Variants in PARVA observed in about 807,000 individuals in gnomAD.
The protein encoded by PARVA is parvin alpha.
A neutral mutation model predicts 52.6 loss-of-function variants in PARVA; 25 were observed. The ratio of observed to expected loss-of-function variants is 0.48; its 90% confidence interval spans 0.35 to 0.66. The LOEUF (loss-of-function observed/expected upper bound fraction) is 0.66. PARVA is among the 30% of genes least tolerant of loss of function. PARVA has a pLI of 0.01. For synonymous variants in PARVA, 185 were observed against 179.1 expected, an observed-to-expected ratio of 1.03 and a Z score of -0.26; for missense variants, 373 against 450.9, an observed-to-expected ratio of 0.83 and a Z score of 1.56.
chr11:12,437,238 A>G (rs1940398657), intron 1 of PARVA, among the ~76,000 whole-genome samples: 1 of 152,242 alleles, frequency 6.6e-6, no homozygotes, highest in Non-Finnish European at 1.5e-5. Flanking sequence ...AAGAACAAGA[A>G]AGGACTGCAG....
chr11:12,493,003 T>A (rs552003335), intron 4 of PARVA, among the ~76,000 whole-genome samples: 3 of 152,146 alleles, frequency 2.0e-5, no homozygotes, highest in Non-Finnish European at 4.4e-5. Flanking sequence ...GATATATATA[T>A]GAGTGGAAAA....
At chr11:12,445,748 G>A (rs10831821) in intron 1 of PARVA, among the ~76,000 whole-genome samples, 4 of 151,728 alleles carry the variant, frequency 2.6e-5, no homozygotes, top group East Asian at 3.9e-4. Context: ...AATAACAGCC[G>A]GCTCCATACA....
intron 5 of PARVA, among the ~76,000 whole-genome samples, chr11:12,501,886 A>T (rs1449807674): frequency 1.9e-5 from 2 of 103,766 alleles, no homozygotes; most frequent in African/African-American, 3.6e-5. Context: ...CCAGGGTATA[A>T]GAACAACTTA....
intron 4 of PARVA, among the ~76,000 whole-genome samples, chr11:12,487,698 A>G (rs1941177750): frequency 6.6e-6 from 1 of 152,188 alleles, no homozygotes; most frequent in South Asian, 2.1e-4. Context: ...TTATTTTCTC[A>G]TCTCAAACTC....
intron 1 of PARVA, among the ~76,000 whole-genome samples, chr11:12,409,010 C>G (rs1398248164): frequency 1.3e-5 from 2 of 152,130 alleles, no homozygotes; most frequent in African/African-American, 4.8e-5. Flanking sequence ...CACGGAGGAC[C>G]TGGGAGAGGC....
rs940307002 is a variant in PARVA, at chr11:12,529,276, C to T, written c.*1351C>T. 6.6e-6 allele frequency: 1 copy of T among 152,094 alleles called. No individual in the cohort carries two copies. Among genetic ancestry groups the T allele is most frequent in the Admixed American group, 6.6e-5 (1 of 15,266 alleles). The allele number at this position is 152,094 out of a possible 1,614,324, so 9.4% of individuals were successfully genotyped here. A position where few individuals can be genotyped will look rare whatever the true frequency, so the allele number is the denominator to read the frequency against. On this transcript the variant is annotated 3_prime_UTR_variant, in exon 13 of 13. Transcript: ENST00000334956. ...TCTATGTGAACTTGACTTTGAAAGACAGAGCTCTAGTGTGCCAGCCTGCTA... is the reference window on the plus strand; with the variant it reads ...TCTATGTGAACTTGACTTTGAAAGATAGAGCTCTAGTGTGCCAGCCTGCTA...
intron 1 of PARVA, among the ~76,000 whole-genome samples, chr11:12,447,651 A>C (rs1940565609): frequency 6.6e-6 from 1 of 152,238 alleles, no homozygotes; most frequent in Non-Finnish European, 1.5e-5. Flanking sequence ...TAATAGTAGA[A>C]AAAAACTGGG....
intron 8 of PARVA, among the ~76,000 whole-genome samples, chr11:12,511,902 T>C (rs1219801442): frequency 6.6e-6 from 1 of 152,232 alleles, no homozygotes; most frequent in African/African-American, 2.4e-5. Flanking sequence ...GAGTTTATTA[T>C]TCTTGCCAGT....
At chr11:12,472,714 C>T (rs528992196) in intron 1 of PARVA, among the ~76,000 whole-genome samples, 38 of 152,226 alleles carry the variant, frequency 2.5e-4, no homozygotes, top group African/African-American at 6.0e-4. Flanking sequence ...AAAGATGGGA[C>T]GCTGCTTTTA....
At chr11:12,461,447 G>C (rs1305064337) in intron 1 of PARVA, among the ~76,000 whole-genome samples, 1 of 152,158 alleles carries the variant, frequency 6.6e-6, no homozygotes, top group African/African-American at 2.4e-5. Flanking sequence ...CCAAGGAAAT[G>C]GTTCTCATTC....
intron 12 of PARVA, among the ~76,000 whole-genome samples, chr11:12,526,663 G>A (rs990976233): frequency 2.2e-4 from 34 of 152,102 alleles, no homozygotes; most frequent in African/African-American, 8.0e-4. Flanking sequence ...CTCCCTAAAG[G>A]TAACCACTAT....
intron 4 of PARVA, chr11:12,478,243 G>A (rs373512204): frequency 4.1e-5 from 18 of 434,482 alleles, no homozygotes; most frequent in Admixed American, 2.7e-4. Flanking sequence ...TAGAAAGCAC[G>A]CCTCCGCCTC....
At chr11:12,443,169 C>CTTTTTTT (rs1180380526) in intron 1 of PARVA, among the ~76,000 whole-genome samples, 15,913 of 78,070 alleles carry the variant, frequency 0.2, 2,338 homozygotes, top group Non-Finnish European at 0.27. Flanking sequence ...CGCCCCCCTT[C>CTTTTTTT]TTTTTTTTTT....
At chr11:12,485,919 A>G (rs553148166) in intron 4 of PARVA, among the ~76,000 whole-genome samples, 89 of 152,326 alleles carry the variant, frequency 5.8e-4, no homozygotes, top group Non-Finnish European at 1.1e-3. Flanking sequence ...CAAAACTGTC[A>G]AGGTCATGGT....
chr11:12,376,632 C>A, upstream of PARVA: 1 of 515,766 alleles, frequency 1.9e-6, no homozygotes, highest in Non-Finnish European at 2.5e-6. Flanking sequence ...CAGCTGTGGC[C>A]TAGAAGGGGC....
Position 12,477,885 on chromosome 11 carries a change from A to G in PARVA, c.336A>G (p.Glu112=), listed in dbSNP as rs765640969. The change falls in exon 4 of 13, where the codon GAA becomes GAG. Residue 112 remains glutamate, a synonymous_variant. Transcript: ENST00000334956. ...GGATTAATGATGTGTTGGTTGGAGA[A>G]AGAATCATTGTGAAAGACCTAGCTG... is the stretch of plus-strand genomic sequence containing the variant. ...IDWINDVLVG[E]RIIVKDLAED... The G allele has an allele frequency of 1.2e-6, 2 of 1,609,528 alleles. No homozygotes were observed. The highest frequency in any genetic ancestry group is 3.3e-5 in the Admixed American group (2 of 60,000).
chr11:12,377,452 C>G (rs1456501782), upstream of PARVA: 2 of 1,394,670 alleles, frequency 1.4e-6, no homozygotes, highest in Non-Finnish European at 9.2e-7. Flanking sequence ...CAGCTCCTTC[C>G]AGGGCAGAGG....
chr11:12,473,426 C>T lies in PARVA; in HGVS notation c.137-319C>T, dbSNP rs146835583. On this transcript the variant is annotated intron_variant, in intron 1 of 12. Transcript: ENST00000334956. ...ATGGGACAGGCAGGAGGTAGAGACT[C>T]AGAAAGAAGTCAGTGCCCACCTCGC... Among the ~76,000 whole-genome samples, 403 of 152,290 alleles carry T rather than the reference C, an allele frequency of 2.6e-3. 3 individuals carry two copies. Among genetic ancestry groups the T allele is most frequent in the Admixed American group, 8.2e-3 (126 of 15,292 alleles).
intron 1 of PARVA, among the ~76,000 whole-genome samples, chr11:12,405,965 G>T (rs1257781698): frequency 6.6e-6 from 1 of 152,092 alleles, no homozygotes; most frequent in Admixed American, 6.6e-5. Context: ...AAAGAAAAAA[G>T]AATTGGAATC....
Sources: allele counts gnomAD v4.1 joint callset (sites outside exome capture counted in the v4.1 genomes callset), GRCh38; gene constraint gnomAD v4.1.1; transcripts MANE v1.5; gene names NCBI Gene and HGNC (gene_info 2026-07-23, HGNC 2026-07-21).